The following KCNMA1 variants were observed in gnomAD, a reference collection of about 807,000 sequenced individuals.
KCNMA1 encodes the protein Calcium-activated potassium channel subunit alpha-1.
A neutral mutation model predicts 140.0 loss-of-function variants in KCNMA1; 29 were observed. The ratio of observed to expected loss-of-function variants is 0.21; its 90% CI spans 0.15 to 0.28. The LOEUF is 0.28. Among genes scored for constraint, KCNMA1 ranks in the 10% least tolerant of loss-of-function variants. The probability of loss-of-function intolerance (pLI) is 1.00; values close to 1 mark genes in which losing one functional copy is unlikely to be tolerated. For synonymous variants in KCNMA1, 612 were observed against 611.9 expected, an observed-to-expected ratio of 1.00 and a Z score of 0.00; for missense variants, 880 against 1,602.2, an observed-to-expected ratio of 0.55 and a Z score of 7.70.
rs1380750290 is a variant in KCNMA1 at position 77,079,469 on chromosome 10, T to G, written c.1593+12A>C. 1.3e-6 allele frequency: 2 copies of G among 1,599,062 alleles called. No individual in the cohort carries two copies. Among genetic ancestry groups the G allele is most frequent in the Non-Finnish European group, 1.7e-6 (2 of 1,166,708 alleles). ...GGGTCTTCAGACCTGGAGCGGGCTCTCGCACTCCTACCTTGTTGTGATACT... is the reference window on the plus strand; with the variant it reads ...GGGTCTTCAGACCTGGAGCGGGCTCGCGCACTCCTACCTTGTTGTGATACT... On this transcript the variant is annotated intron_variant, in intron 13 of 27. Transcript: ENST00000286628.
At chr10:77,072,501 C>G (rs1399977688) in intron 14 of KCNMA1, among the ~76,000 whole-genome samples, 1 of 152,050 alleles carries the variant, frequency 6.6e-6, no homozygotes, top group African/African-American at 2.4e-5. Context: ...GTCCAGCCAG[C>G]TCTGACAAGG....
intron 14 of KCNMA1, among the ~76,000 whole-genome samples, chr10:77,039,893 T>TTC (rs1242846084): frequency 7.4e-6 from 1 of 134,636 alleles, no homozygotes; most frequent in African/African-American, 2.8e-5. Context: ...CTTTTTTTTT[T>TTC]TTTTTTTTTT....
At chr10:77,511,971 A>C (rs1280160962) in intron 1 of KCNMA1, among the ~76,000 whole-genome samples, 2 of 152,212 alleles carry the variant, frequency 1.3e-5, no homozygotes, top group African/African-American at 4.8e-5. Flanking sequence ...TGATAATGCC[A>C]AGGCAGCAGG....
At chr10:77,382,087 G>C (rs56225173) in intron 2 of KCNMA1, among the ~76,000 whole-genome samples, 86 of 152,246 alleles carry the variant, frequency 5.6e-4, no homozygotes, top group Non-Finnish European at 1.1e-3. Context: ...GGACCATCTA[G>C]GGAGGAAAAG....
In KCNMA1 at chr10:77,128,824, G is replaced by T. The variant is rs1299659507; in HGVS notation, c.809-7776C>A. 7.2e-5 allele frequency among the ~76,000 whole-genome samples: 11 copies of T among 152,144 alleles called. No individual in the cohort carries two copies. In the South Asian group the frequency reaches 1.7e-3, roughly 23 times the overall value. On this transcript the variant is annotated intron_variant, in intron 5 of 27. Transcript: ENST00000286628. ...GAGGCATGGGATTCAAATCCATTGT[G>T]CACATGAATCACCTGGCATTTGTAA...
chr10:76,903,927 A>T lies in KCNMA1; in HGVS notation c.3147+6039T>A, dbSNP rs181660869. ...TCATATCTTCTGGGTACCCCAACTC[A>T]TCTACCCACTAAGCTCCCAAATATT... On this transcript the variant is annotated intron_variant, in intron 25 of 27. Coordinates refer to ENST00000286628, the MANE Select transcript of KCNMA1 (RefSeq NM_001161352.2). The T allele has an allele frequency of 1.2e-3, 181 of 152,276 alleles. 1 individual carries two copies. The highest frequency in any genetic ancestry group is 4.1e-3 in the African/African-American group (171 of 41,542). 9.4% of individuals were successfully genotyped at this position (152,276 alleles called of 1,614,324 possible).
chr10:77,375,218 G>A (rs1321768377), intron 2 of KCNMA1, among the ~76,000 whole-genome samples: 2 of 152,100 alleles, frequency 1.3e-5, no homozygotes, highest in Non-Finnish European at 2.9e-5. Context: ...GGTAGGAGAG[G>A]GGACACTGCT....
At chr10:77,316,099 C>T (rs1454682907) in intron 2 of KCNMA1, among the ~76,000 whole-genome samples, 1 of 152,168 alleles carries the variant, frequency 6.6e-6, no homozygotes, top group Non-Finnish European at 1.5e-5. Flanking sequence ...AATACTGTGT[C>T]CCTTTCCTTT....
At chr10:77,143,021 C>T (rs2098214605) in intron 5 of KCNMA1, among the ~76,000 whole-genome samples, 1 of 152,100 alleles carries the variant, frequency 6.6e-6, no homozygotes, top group South Asian at 2.1e-4. Context: ...ACCAATATTA[C>T]ACAAACTCTT....
intron 25 of KCNMA1, among the ~76,000 whole-genome samples, chr10:76,897,366 G>A (rs185379204): frequency 6.6e-6 from 1 of 151,346 alleles, no homozygotes. Flanking sequence ...AATATTAAAT[G>A]GAGAATAAAA....
chr10:77,116,878 C>T (rs2097485257), intron 6 of KCNMA1, among the ~76,000 whole-genome samples: 1 of 152,160 alleles, frequency 6.6e-6, no homozygotes, highest in African/African-American at 2.4e-5. Flanking sequence ...ACCACATTTC[C>T]TCTCCTGATT....
At chr10:76,869,817 A>G (rs762281605) in exon 28 of KCNMA1, 8 of 152,610 alleles carry the variant, frequency 5.2e-5, no homozygotes, top group Admixed American at 1.3e-4. Flanking sequence ...TCATAATGCC[A>G]ACAATCAAAA....
chr10:77,626,365 G>A (rs1360730095), intron 1 of KCNMA1, among the ~76,000 whole-genome samples: 1 of 152,142 alleles, frequency 6.6e-6, no homozygotes, highest in East Asian at 1.9e-4. Flanking sequence ...ATGGGCAGCT[G>A]AAATAATTCC....
chr10:77,459,285 C>G (rs1009738580), intron 1 of KCNMA1, among the ~76,000 whole-genome samples: 3 of 152,196 alleles, frequency 2.0e-5, no homozygotes, highest in African/African-American at 7.2e-5. Context: ...ACAGCTTCTT[C>G]GCAATGGGAA....
intron 19 of KCNMA1, among the ~76,000 whole-genome samples, chr10:76,983,955 G>T (rs1354675806): frequency 6.6e-6 from 1 of 152,056 alleles, no homozygotes. Context: ...GAAAAATTGG[G>T]TATGTGTGGA....
intron 9 of KCNMA1, among the ~76,000 whole-genome samples, chr10:77,104,743 T>C (rs1441600584): frequency 6.6e-6 from 1 of 152,206 alleles, no homozygotes; most frequent in Non-Finnish European, 1.5e-5. Flanking sequence ...TGGACCACGA[T>C]CTTGTCAGTT....
chr10:77,269,317 C>A (rs2064318939), intron 2 of KCNMA1, among the ~76,000 whole-genome samples: 1 of 152,246 alleles, frequency 6.6e-6, no homozygotes, highest in East Asian at 1.9e-4. Flanking sequence ...ACTGAATATC[C>A]ACTTGGGCTG....
intron 2 of KCNMA1, among the ~76,000 whole-genome samples, chr10:77,362,344 T>TCCCCC (rs1220056300): frequency 3.4e-5 from 1 of 29,076 alleles, no homozygotes. Context: ...CCACCCCCTA[T>TCCCCC]CCCCCCCCAC....
At chr10:77,586,562 C>A (rs922652245) in intron 1 of KCNMA1, 6 of 152,112 alleles carry the variant, frequency 3.9e-5, no homozygotes, top group Admixed American at 2.6e-4. Context: ...AGCTAATAAT[C>A]CATTCAATTT....
Sources: gnomAD v4.1 joint callset for allele counts (sites outside exome capture counted in the v4.1 genomes callset) on GRCh38, gnomAD v4.1.1 for gene constraint, MANE v1.5 for transcripts, NCBI Gene and HGNC (gene_info 2026-07-23, HGNC 2026-07-21) for gene names.